CCDC102B: variants seen among roughly 807,000 people sequenced by gnomAD.
The protein encoded by CCDC102B is coiled-coil domain-containing protein 102B.
A neutral mutation model predicts 57.4 loss-of-function variants in CCDC102B; 75 were observed. The ratio of observed to expected loss-of-function variants is 1.31; its 90% confidence interval spans 1.08 to 1.58. The LOEUF (loss-of-function observed/expected upper bound fraction) is 1.58, where lower values mean the gene tolerates loss of function less well. Ranked by LOEUF, CCDC102B falls within the 40% of genes most tolerant of loss-of-function variation. CCDC102B has a pLI of 0.00. For synonymous variants in CCDC102B, 206 were observed against 201.9 expected, an observed-to-expected ratio of 1.02 and a Z score of -0.17; for missense variants, 636 against 582.6, an observed-to-expected ratio of 1.09 and a Z score of -0.94.
chr18:68,799,772 A>G (rs896620837), intron 1 of CCDC102B, among the ~76,000 whole-genome samples: 12 of 152,222 alleles, frequency 7.9e-5, no homozygotes, highest in African/African-American at 2.9e-4. Context: ...TTGAACACAA[A>G]TTAGCATAGA....
intron 6 of CCDC102B, among the ~76,000 whole-genome samples, chr18:68,971,438 A>G (rs1170772696): frequency 6.6e-6 from 1 of 152,154 alleles, no homozygotes; most frequent in Non-Finnish European, 1.5e-5. Context: ...CAGGAAAATG[A>G]AAGTCAATAC....
intron 6 of CCDC102B, among the ~76,000 whole-genome samples, chr18:68,942,440 T>G (rs1394729112): frequency 2.0e-5 from 3 of 151,984 alleles, no homozygotes; most frequent in African/African-American, 7.2e-5. Context: ...GTTCCCTCAG[T>G]ATTTATTGAT....
chr18:69,051,581 GGA>G (rs1162622255), intron 7 of CCDC102B, among the ~76,000 whole-genome samples: 2 of 151,724 alleles, frequency 1.3e-5, no homozygotes, highest in African/African-American at 4.8e-5. Flanking sequence ...GTATTTCTGA[GGA>G]AAAAGAACTG....
At chr18:68,905,585 GCC>G (rs2040598766) in intron 6 of CCDC102B, among the ~76,000 whole-genome samples, 2 of 2,540 alleles carry the variant, frequency 7.9e-4, no homozygotes, top group African/African-American at 4.0e-3. Flanking sequence ...TTATGGGACC[GCC>G]CTGTCTAGCC....
At chr18:68,969,434 A>C (rs1158301953) in intron 6 of CCDC102B, among the ~76,000 whole-genome samples, 3 of 150,702 alleles carry the variant, frequency 2.0e-5, no homozygotes, top group Admixed American at 6.6e-5. Context: ...CTGGTTTAAT[A>C]TACTAACATT....
chr18:68,732,467 C>T (rs1430085591), intron 2 of CCDC102B, among the ~76,000 whole-genome samples: 3 of 151,932 alleles, frequency 2.0e-5, no homozygotes, highest in African/African-American at 7.3e-5. Context: ...GCCTCAGCCT[C>T]CCGAGTAGCT....
At chr18:68,879,981 T>C (rs2039617566) in intron 5 of CCDC102B, among the ~76,000 whole-genome samples, 1 of 152,194 alleles carries the variant, frequency 6.6e-6, no homozygotes, top group African/African-American at 2.4e-5. Flanking sequence ...CTGCCAGTCC[T>C]GTGCAGTGCG....
chr18:68,890,731 T>A (rs2144994292), intron 5 of CCDC102B, among the ~76,000 whole-genome samples: 1 of 152,310 alleles, frequency 6.6e-6, no homozygotes, highest in Non-Finnish European at 1.5e-5. Flanking sequence ...CCTTGTTTTG[T>A]TCATCAAATT....
chr18:68,786,256 A>T (rs2035206358), intron 2 of CCDC102B, among the ~76,000 whole-genome samples: 1 of 152,118 alleles, frequency 6.6e-6, no homozygotes, highest in Non-Finnish European at 1.5e-5. Flanking sequence ...TTGTTCAGGT[A>T]GTGTGATGCC....
At chr18:69,049,077 C>T (rs1261707168) in intron 7 of CCDC102B, among the ~76,000 whole-genome samples, 1 of 151,310 alleles carries the variant, frequency 6.6e-6, no homozygotes, top group Admixed American at 6.6e-5. Flanking sequence ...TTCTGGGATA[C>T]ATGTGCAGAA....
intron 3 of CCDC102B, among the ~76,000 whole-genome samples, chr18:68,844,597 T>C (rs770077679): frequency 2.6e-5 from 4 of 151,898 alleles, no homozygotes; most frequent in Non-Finnish European, 4.4e-5. Context: ...ATACTCAATA[T>C]CTTTTAAATA....
chr18:68,897,172 G>A (rs537966867), intron 5 of CCDC102B, 47 bp from the exon 6 acceptor site: 8 of 1,474,042 alleles, frequency 5.4e-6, no homozygotes, highest in South Asian at 1.2e-5. Flanking sequence ...TTATCTTTTG[G>A]CAATTGCAAA....
At chr18:68,763,230 C>T (rs1436482260) in intron 2 of CCDC102B, among the ~76,000 whole-genome samples, 1 of 152,014 alleles carries the variant, frequency 6.6e-6, no homozygotes, top group African/African-American at 2.4e-5. Flanking sequence ...CTCCCTGTTT[C>T]TCACACAACT....
At chr18:68,746,758 T>C (rs912385024) in intron 2 of CCDC102B, among the ~76,000 whole-genome samples, 4 of 151,984 alleles carry the variant, frequency 2.6e-5, no homozygotes, top group African/African-American at 9.7e-5. Context: ...ATGATAGTTT[T>C]ATTAAAATAT....
intron 1 of CCDC102B, among the ~76,000 whole-genome samples, chr18:68,822,991 C>T: frequency 6.6e-6 from 1 of 152,140 alleles, no homozygotes; most frequent in East Asian, 1.9e-4. Context: ...CCCGCCCCCA[C>T]ACTCCCCTGT....
At chr18:68,838,623 C>G in intron 2 of CCDC102B, 83 bp from the exon 3 acceptor site, 22 of 1,526,738 alleles carry the variant, frequency 1.4e-5, no homozygotes, top group Non-Finnish European at 1.9e-5. Flanking sequence ...GGTATCGTAA[C>G]ATTTATTTCT....
chr18:69,048,616 G>C (rs932093869), intron 7 of CCDC102B, among the ~76,000 whole-genome samples: 1 of 151,926 alleles, frequency 6.6e-6, no homozygotes, highest in Non-Finnish European at 1.5e-5. Flanking sequence ...TATTATTTGG[G>C]AGTTCATTAT....
At chr18:69,041,676 A>G (rs1490932163) in intron 7 of CCDC102B, among the ~76,000 whole-genome samples, 1 of 151,900 alleles carries the variant, frequency 6.6e-6, no homozygotes, top group African/African-American at 2.4e-5. Flanking sequence ...TTTCTTTTGT[A>G]GCCTAGCTAG....
Position 68,837,248 on chromosome 18 carries a change from G to T in CCDC102B, c.485G>T (p.Gly162Val), listed in dbSNP as rs746788896. 6.8e-6 allele frequency: 11 copies of T among 1,613,994 alleles called. No homozygotes were observed. Among genetic ancestry groups the T allele is most frequent in the Admixed American group, 3.3e-5 (2 of 59,990 alleles). The change falls in exon 2 of 8, where the codon GGC (glycine) becomes GTC (valine). Residue 162 changes from glycine (G) to valine (V), a missense_variant. Gly to Val is a moderately radical substitution (Grantham distance 109, BLOSUM62 -3). Coordinates refer to ENST00000360242, the MANE Select transcript of CCDC102B (RefSeq NM_024781.3). ...GTTACCCAGGATCTGAAGCTTCCTG[G>T]CTTCGTAGAAGAATCCTGTGAACAT... The part of the protein sequence containing the change: ...AKVTQDLKLP[G>V]FVEESCEHTD...
Sources: gnomAD v4.1 joint callset for allele counts (sites outside exome capture counted in the v4.1 genomes callset) on GRCh38, gnomAD v4.1.1 for gene constraint, MANE v1.5 for transcripts, NCBI Gene and HGNC (gene_info 2026-07-23, HGNC 2026-07-21) for gene names.